XPR1: variants seen among roughly 807,000 people sequenced by gnomAD.
XPR1 encodes xenotropic and polytropic retrovirus receptor 1.
XPR1 carries 28 observed loss-of-function variants against 87.5 expected under a neutral mutation model. That is an observed-to-expected ratio of 0.32 (90% CI 0.24 to 0.44). XPR1 has a LOEUF of 0.44. Ranked by LOEUF, XPR1 falls within the 20% of genes least tolerant of loss-of-function variation. The probability of loss-of-function intolerance (pLI) is 1.00; values close to 1 mark genes in which losing one functional copy is unlikely to be tolerated. For missense variants in XPR1, 559 were observed against 862.3 expected (o/e 0.65, Z 4.41); for synonymous variants, 300 against 306.1 (o/e 0.98, Z 0.21).
At chr1:180,702,839 A>T (rs931855923) in intron 2 of XPR1, among the ~76,000 whole-genome samples, 15 of 151,680 alleles carry the variant, frequency 9.9e-5, no homozygotes, top group African/African-American at 3.6e-4. Context: ...TGGAGATATC[A>T]TATTTTCTTG....
intron 2 of XPR1, among the ~76,000 whole-genome samples, chr1:180,782,633 C>T (rs112741163): frequency 0.013 from 1,912 of 151,872 alleles, 38 homozygotes; most frequent in African/African-American, 0.044. Context: ...GATTAAGGCT[C>T]CATTAGCCTT....
chr1:180,825,734 C>T (rs1337739566), intron 9 of XPR1, among the ~76,000 whole-genome samples: 1 of 152,098 alleles, frequency 6.6e-6, no homozygotes, highest in Non-Finnish European at 1.5e-5. Flanking sequence ...AATATCTTAC[C>T]AGATTATCAA....
chr1:180,750,515 T>A (rs549609565), intron 2 of XPR1, among the ~76,000 whole-genome samples: 1 of 152,248 alleles, frequency 6.6e-6, no homozygotes, highest in East Asian at 1.9e-4. Flanking sequence ...ATGTAGGAAA[T>A]CATGAGCATT....
rs1463948829 is a variant in XPR1, at chr1:180,887,747, A to G, written c.*3681A>G. ...TGGGCCCCAGCCCCTAGGATCCCTG[A>G]CTTCCTGATATTCTAAACATGAGAG... is the stretch of plus-strand genomic sequence containing the variant. On this transcript the variant is annotated 3_prime_UTR_variant, in exon 15 of 15. Coordinates refer to ENST00000367590, the MANE Select transcript of XPR1 (RefSeq NM_004736.4). 6.6e-6 allele frequency: 1 copy of G among 152,220 alleles called. No homozygotes were observed. Among genetic ancestry groups the G allele is most frequent in the Non-Finnish European group, 1.5e-5 (1 of 68,040 alleles). 9.4% of individuals were successfully genotyped at this position (152,220 alleles called of 1,614,324 possible). A position where few individuals can be genotyped will look rare whatever the true frequency, so the allele number is the denominator to read the frequency against.
At chr1:180,803,695 G>T (rs549559589) in intron 4 of XPR1, 84 bp downstream of exon 4, 4 of 1,197,690 alleles carry the variant, frequency 3.3e-6, no homozygotes, top group Non-Finnish European at 4.7e-6. Flanking sequence ...AGTATTACCA[G>T]TGGGTCAGTT....
At chr1:180,681,336 T>C (rs924239080) in intron 1 of XPR1, among the ~76,000 whole-genome samples, 1 of 152,174 alleles carries the variant, frequency 6.6e-6, no homozygotes, top group Non-Finnish European at 1.5e-5. Context: ...TGTACAGTTA[T>C]TATTTGTGGA....
intron 2 of XPR1, among the ~76,000 whole-genome samples, chr1:180,738,095 T>G (rs1658787832): frequency 1.3e-5 from 2 of 152,168 alleles, no homozygotes. Context: ...CACTGCAACC[T>G]CCTCCTCCTG....
At chr1:180,874,462 G>A (rs1024065402) in intron 13 of XPR1, among the ~76,000 whole-genome samples, 2 of 152,094 alleles carry the variant, frequency 1.3e-5, no homozygotes, top group Non-Finnish European at 1.5e-5. Context: ...GGCCGAGGCC[G>A]GTGGATCACC....
chr1:180,716,005 A>G (rs1030371411), intron 2 of XPR1, among the ~76,000 whole-genome samples: 7 of 152,194 alleles, frequency 4.6e-5, no homozygotes, highest in Non-Finnish European at 7.3e-5. Flanking sequence ...TTCTTGAGCT[A>G]TGTATGTGGC....
chr1:180,694,773 GCA>G (rs56118040), intron 2 of XPR1, among the ~76,000 whole-genome samples: 12,384 of 149,398 alleles, frequency 0.083, 601 homozygotes, highest in African/African-American at 0.13. Context: ...ATTGTTGTGT[GCA>G]CACACACACA....
At chr1:180,804,392 A>G (rs1649911535) in intron 4 of XPR1, among the ~76,000 whole-genome samples, 1 of 152,250 alleles carries the variant, frequency 6.6e-6, no homozygotes, top group African/African-American at 2.4e-5. Flanking sequence ...TTCAACTTGC[A>G]GCTGAAAGAA....
intron 7 of XPR1, among the ~76,000 whole-genome samples, chr1:180,815,734 A>G (rs1650384344): frequency 6.6e-6 from 1 of 152,158 alleles, no homozygotes; most frequent in Admixed American, 6.5e-5. Flanking sequence ...ATAACAGTAT[A>G]CCATATTTCA....
At chr1:180,659,360 CG>C (rs1655671582) in intron 1 of XPR1, among the ~76,000 whole-genome samples, 2 of 132,348 alleles carry the variant, frequency 1.5e-5, no homozygotes, top group Non-Finnish European at 3.2e-5. Context: ...TCCGTCCTTC[CG>C]TCCTTCCGTC....
chr1:180,742,053 G>GT (rs1400684391), intron 2 of XPR1, among the ~76,000 whole-genome samples: 1 of 151,234 alleles, frequency 6.6e-6, no homozygotes, highest in African/African-American at 2.4e-5. Context: ...TCTTGCTTGA[G>GT]TTTTTTTGTT....
chr1:180,805,129 A>G (rs1398766921), intron 4 of XPR1, among the ~76,000 whole-genome samples: 1 of 152,226 alleles, frequency 6.6e-6, no homozygotes, highest in African/African-American at 2.4e-5. Flanking sequence ...AGAAAGGAAG[A>G]TTGATTAAAA....
At chr1:180,741,327 C>T (rs76389406) in intron 2 of XPR1, among the ~76,000 whole-genome samples, 3,659 of 151,976 alleles carry the variant, frequency 0.024, 151 homozygotes, top group African/African-American at 0.082. Context: ...CCACGCCGAG[C>T]TAATTTTTTT....
intron 13 of XPR1, among the ~76,000 whole-genome samples, chr1:180,878,508 C>T (rs1415251837): frequency 1.3e-5 from 2 of 152,150 alleles, no homozygotes; most frequent in African/African-American, 2.4e-5. Flanking sequence ...TAGCTGACAG[C>T]GTTCTAAGCC....
chr1:180,703,928 T>C (rs996488050), intron 2 of XPR1, among the ~76,000 whole-genome samples: 8 of 152,162 alleles, frequency 5.3e-5, no homozygotes, highest in African/African-American at 1.9e-4. Context: ...ATTTCTCTTA[T>C]TACAGAAAAT....
rs200044209 is a variant in XPR1, at chr1:180,744,650, C to CTTTT, written c.122-43100_122-43099insTTTT. Among the ~76,000 whole-genome samples, 62 of 56,936 alleles carry CTTTT rather than the reference C, an allele frequency of 1.1e-3. 5 individuals carry two copies. The highest frequency in any genetic ancestry group is 3.1e-3 in the African/African-American group (53 of 17,126). The allele number at this position is 56,936 out of a possible 152,430, so 37.4% of individuals were successfully genotyped here. ...ACTTGTTCAGGTTTAGGCACAATTT[C>CTTTT]TTTCTTTTTTTTTTTTTTGAGACAG... On this transcript the variant is annotated intron_variant, in intron 2 of 14. Transcript: ENST00000367590.
Sources: gnomAD v4.1 joint callset for allele counts (sites outside exome capture counted in the v4.1 genomes callset) on GRCh38, gnomAD v4.1.1 for gene constraint, MANE v1.5 for transcripts, NCBI Gene and HGNC (gene_info 2026-07-23, HGNC 2026-07-21) for gene names.